Variants in NRXN3 observed in about 807,000 individuals in gnomAD.
The protein encoded by NRXN3 is neurexin III.
Under a neutral mutation model 137.6 loss-of-function variants are expected in NRXN3, and 32 were observed. That is an observed-to-expected ratio of 0.23 (90% CI 0.18 to 0.31). The LOEUF is 0.31. NRXN3 is among the 10% of genes least tolerant of loss of function. The pLI is 1.00. For synonymous variants in NRXN3, 798 were observed against 784.5 expected, an observed-to-expected ratio of 1.02 and a Z score of -0.29; for missense variants, 1,574 against 2,062.5, an observed-to-expected ratio of 0.76 and a Z score of 4.59.
At chr14:79,811,818 G>C (rs532694491) in intron 20 of NRXN3, among the ~76,000 whole-genome samples, 12 of 151,824 alleles carry the variant, frequency 7.9e-5, no homozygotes, top group African/African-American at 2.7e-4. Context: ...TCCTGACCTC[G>C]TGATCCACCC....
At chr14:78,804,467 T>A (rs1241983347) in intron 9 of NRXN3, among the ~76,000 whole-genome samples, 1 of 152,180 alleles carries the variant, frequency 6.6e-6, no homozygotes, top group African/African-American at 2.4e-5. Context: ...TACCCATTTT[T>A]CTTCTTGACA....
intron 15 of NRXN3, among the ~76,000 whole-genome samples, chr14:79,086,516 A>G (rs1051076940): frequency 2.0e-5 from 3 of 151,936 alleles, no homozygotes; most frequent in African/African-American, 7.3e-5. Flanking sequence ...TCTCATTTTA[A>G]ATTGTGGTGT....
intron 16 of NRXN3, among the ~76,000 whole-genome samples, chr14:79,562,396 G>A (rs1380396679): frequency 1.3e-5 from 2 of 152,094 alleles, no homozygotes; most frequent in Admixed American, 1.3e-4. Flanking sequence ...AAGCAGCATT[G>A]CCTTTATTAT....
intron 15 of NRXN3, among the ~76,000 whole-genome samples, chr14:79,212,901 AG>A (rs1456394177): frequency 1.3e-5 from 2 of 152,082 alleles, no homozygotes; most frequent in Non-Finnish European, 2.9e-5. Context: ...GAGGGACAAA[AG>A]TTCTGTAGAA....
chr14:78,582,679 A>G (rs995640827), intron 4 of NRXN3, among the ~76,000 whole-genome samples: 3 of 152,192 alleles, frequency 2.0e-5, no homozygotes, highest in South Asian at 4.1e-4. Flanking sequence ...GCACCTTGAT[A>G]TTGAACTTCC....
intron 10 of NRXN3, among the ~76,000 whole-genome samples, chr14:78,814,684 C>T (rs2153107286): frequency 6.6e-6 from 1 of 152,266 alleles, no homozygotes; most frequent in East Asian, 1.9e-4. Flanking sequence ...AGGAAATGTC[C>T]TGTTCCTATG....
intron 10 of NRXN3, among the ~76,000 whole-genome samples, chr14:78,953,737 C>T (rs1222139092): frequency 2.0e-5 from 3 of 150,222 alleles, no homozygotes; most frequent in Admixed American, 1.3e-4. Flanking sequence ...TTTAAGCAGC[C>T]TCAAGAGAAT....
chr14:78,935,547 A>G (rs1246766406), intron 10 of NRXN3, among the ~76,000 whole-genome samples: 1 of 152,192 alleles, frequency 6.6e-6, no homozygotes. Flanking sequence ...TACAATGAAA[A>G]TGCTATGTAC....
chr14:78,326,745 C>A (rs2080141827), intron 4 of NRXN3, among the ~76,000 whole-genome samples: 1 of 152,168 alleles, frequency 6.6e-6, no homozygotes, highest in South Asian at 2.1e-4. Context: ...TATTTAGCAG[C>A]TACTTACTCT....
intron 16 of NRXN3, among the ~76,000 whole-genome samples, chr14:79,545,918 G>A (rs2097315035): frequency 6.6e-6 from 1 of 152,028 alleles, no homozygotes; most frequent in African/African-American, 2.4e-5. Flanking sequence ...ATGTGTTGTG[G>A]GAGGGACCCG....
At chr14:79,560,873 G>T (rs1225257673) in intron 16 of NRXN3, among the ~76,000 whole-genome samples, 2 of 152,026 alleles carry the variant, frequency 1.3e-5, no homozygotes, top group African/African-American at 4.8e-5. Flanking sequence ...CCCCACCAAA[G>T]AACTTAAAGT....
chr14:78,629,866 A>G (rs961398057), intron 4 of NRXN3, among the ~76,000 whole-genome samples: 3 of 152,268 alleles, frequency 2.0e-5, no homozygotes, highest in East Asian at 1.9e-4. Flanking sequence ...CAATGAATAC[A>G]TTACTTATAT....
chr14:78,762,635 G>A (rs968058563), intron 8 of NRXN3, among the ~76,000 whole-genome samples: 2 of 152,206 alleles, frequency 1.3e-5, no homozygotes, highest in Non-Finnish European at 2.9e-5. Context: ...GGCGGGGGAA[G>A]AAGCAAAAGT....
chr14:78,528,112 A>T (rs748005313), intron 4 of NRXN3, among the ~76,000 whole-genome samples: 2 of 152,236 alleles, frequency 1.3e-5, no homozygotes, highest in African/African-American at 4.8e-5. Context: ...GTTACAGATT[A>T]TCTTTTTCAA....
chr14:78,178,986 G>T (rs774599286), intron 1 of NRXN3, among the ~76,000 whole-genome samples: 12 of 152,156 alleles, frequency 7.9e-5, no homozygotes, highest in Non-Finnish European at 1.6e-4. Context: ...CTCTAGGCCT[G>T]CCTCTACCCC....
chr14:78,825,403 C>A lies in NRXN3; in HGVS notation c.2275+15059C>A, dbSNP rs74065223. On this transcript the variant is annotated intron_variant, in intron 10 of 20. Coordinates refer to ENST00000335750, the MANE Select transcript of NRXN3 (RefSeq NM_001330195.2). ...ACCTTCAGGTCCAGTTAAACCTGCT[C>A]TGCTATTAATTAGTTTTTGGTTTTG... Among the ~76,000 whole-genome samples the A allele has an allele frequency of 7.2e-3, 1,102 of 152,178 alleles. 13 individuals carry two copies. The highest frequency in any genetic ancestry group is 0.024 in the African/African-American group (1,011 of 41,492).
Position 79,803,245 on chromosome 14 carries a change from T to TA in NRXN3, c.4015-1860dup, listed in dbSNP as rs1342475822. On this transcript the variant is annotated intron_variant, in intron 19 of 20. Transcript: ENST00000335750. ...TAATTCCATACCTAGGATGTCTATT[T>TA]AAAAAAAGGATGTTTTCTGGAACTC... 1.6e-4 allele frequency among the ~76,000 whole-genome samples: 24 copies of TA among 152,044 alleles called. 1 individual carries two copies. The highest frequency in any genetic ancestry group is 1.5e-3 in the Admixed American group (23 of 15,254).
chr14:78,202,322 C>T (rs997776070), intron 1 of NRXN3, among the ~76,000 whole-genome samples: 4 of 152,244 alleles, frequency 2.6e-5, no homozygotes, highest in Non-Finnish European at 5.9e-5. Flanking sequence ...AAATTTAGAT[C>T]AGCCTCTGCA....
chr14:79,192,925 C>T (rs11621944), intron 15 of NRXN3, among the ~76,000 whole-genome samples: 43,168 of 151,724 alleles, frequency 0.28, 6,720 homozygotes, highest in Non-Finnish European at 0.36. Flanking sequence ...CACCTGCCAC[C>T]ACACCTGGCT....
Sources: gnomAD v4.1 joint callset for allele counts (sites outside exome capture counted in the v4.1 genomes callset) on GRCh38, gnomAD v4.1.1 for gene constraint, MANE v1.5 for transcripts, NCBI Gene and HGNC (gene_info 2026-07-23, HGNC 2026-07-21) for gene names.